The following EPHA6 variants were observed in gnomAD, a reference collection of about 807,000 sequenced individuals.
The protein encoded by EPHA6 is EPH receptor A6, also known as ephrin type-A receptor 6.
Under a neutral mutation model 112.0 loss-of-function variants are expected in EPHA6, and 50 were observed. The observed-to-expected ratio is 0.45, with a 90% CI of 0.36 to 0.56. The LOEUF is 0.56. EPHA6 is among the 20% of genes least tolerant of loss of function. EPHA6 has a pLI of 0.00. For missense variants in EPHA6, 1,280 were observed against 1,417.4 expected (o/e 0.90, Z 1.56); for synonymous variants, 529 against 490.7 (o/e 1.08, Z -1.03).
At chr3:97,411,641 G>T (rs192588738) in intron 6 of EPHA6, among the ~76,000 whole-genome samples, 12 of 152,136 alleles carry the variant, frequency 7.9e-5, no homozygotes, top group African/African-American at 2.4e-4. Flanking sequence ...TAGGGGAAAA[G>T]AAACATCTTT....
intron 14 of EPHA6, among the ~76,000 whole-genome samples, chr3:97,659,498 T>C (rs1407836008): frequency 2.0e-5 from 3 of 151,970 alleles, no homozygotes; most frequent in African/African-American, 7.2e-5. Context: ...CAGTGAGAGT[T>C]TCTACATATT....
intron 3 of EPHA6, among the ~76,000 whole-genome samples, chr3:97,070,124 A>G (rs2046307543): frequency 6.6e-6 from 1 of 151,952 alleles, no homozygotes; most frequent in Non-Finnish European, 1.5e-5. Flanking sequence ...CTATTTGACT[A>G]CTCAGTTGCT....
intron 2 of EPHA6, among the ~76,000 whole-genome samples, chr3:96,922,811 C>T (rs890625668): frequency 2.0e-5 from 3 of 152,118 alleles, no homozygotes; most frequent in Admixed American, 2.0e-4. Flanking sequence ...CCCACCAAGC[C>T]CTGTCCCACA....
At chr3:97,582,688 A>T (rs1206566685) in intron 11 of EPHA6, among the ~76,000 whole-genome samples, 1 of 152,176 alleles carries the variant, frequency 6.6e-6, no homozygotes, top group East Asian at 1.9e-4. Flanking sequence ...TTCCCTGATT[A>T]TCTACAAAAC....
In EPHA6 at chr3:97,060,895, G is replaced by A. The variant is rs186679991; in HGVS notation, c.1114+72902G>A. Among the ~76,000 whole-genome samples, 240 of 131,198 alleles carry A rather than the reference G, an allele frequency of 1.8e-3. 1 individual carries two copies. The highest frequency in any genetic ancestry group is 6.8e-3 in the African/African-American group (228 of 33,738). 86.1% of individuals were successfully genotyped at this position (131,198 alleles called of 152,430 possible). A position where few individuals can be genotyped will look rare whatever the true frequency, so the allele number is the denominator to read the frequency against. On this transcript the variant is annotated intron_variant, in intron 3 of 17. Transcript: ENST00000389672. ...GCCGAGATTGCGCCTCTGCATTCCAGCCTGGGCGACAGAGCCAGACTCCGT... is the reference window on the plus strand; with the variant it reads ...GCCGAGATTGCGCCTCTGCATTCCAACCTGGGCGACAGAGCCAGACTCCGT...
At chr3:96,938,594 C>T (rs1218107889) in intron 2 of EPHA6, among the ~76,000 whole-genome samples, 1 of 152,084 alleles carries the variant, frequency 6.6e-6, no homozygotes, top group Non-Finnish European at 1.5e-5. Flanking sequence ...ATTGAATACT[C>T]TTTATTTCCT....
chr3:97,051,122 A>G (rs2045672165), intron 3 of EPHA6, among the ~76,000 whole-genome samples: 4 of 152,146 alleles, frequency 2.6e-5, no homozygotes. Flanking sequence ...GAGAATGGCA[A>G]TACATAATGG....
chr3:97,203,439 AG>A (rs1157689496), intron 3 of EPHA6, among the ~76,000 whole-genome samples: 1 of 152,118 alleles, frequency 6.6e-6, no homozygotes, highest in Non-Finnish European at 1.5e-5. Flanking sequence ...ATTGTTTGTA[AG>A]GGTAGAGAAG....
Position 97,244,122 on chromosome 3 carries a change from C to T in EPHA6, c.1441C>T (p.Arg481Cys), listed in dbSNP as rs1158291218. 1.6e-5 allele frequency: 25 copies of T among 1,612,880 alleles called. No homozygotes were observed. The highest frequency in any genetic ancestry group is 1.9e-5 in the Non-Finnish European group (22 of 1,179,322). ...SQCEDCGGGL[R>C]FIPRHTGLIN... ...GTGTGAGGACTGTGGTGGAGGACTC[C>T]GCTTCATCCCAAGACATACAGGCCT... The change falls in exon 5 of 18, where the codon CGC (arginine) becomes TGC (cysteine). Residue 481 changes from arginine to cysteine, a missense_variant. This residue lies in a region of EPHA6 where 878 missense variants were observed against 999.7 expected (regional missense o/e 0.88). Coordinates refer to ENST00000389672, the MANE Select transcript of EPHA6 (RefSeq NM_001080448.3).
At chr3:97,463,698 G>A (rs1485606980) in intron 7 of EPHA6, among the ~76,000 whole-genome samples, 1 of 152,108 alleles carries the variant, frequency 6.6e-6, no homozygotes, top group African/African-American at 2.4e-5. Flanking sequence ...TAGAGCCAAG[G>A]TAAAGTTTCA....
intron 13 of EPHA6, among the ~76,000 whole-genome samples, chr3:97,634,189 T>A (rs2093926768): frequency 6.6e-6 from 1 of 152,070 alleles, no homozygotes; most frequent in Non-Finnish European, 1.5e-5. Context: ...ATCTACAAGA[T>A]GAAGATAATC....
chr3:97,595,570 G>A (rs1459795987), intron 12 of EPHA6, among the ~76,000 whole-genome samples: 1 of 151,978 alleles, frequency 6.6e-6, no homozygotes, highest in East Asian at 1.9e-4. Context: ...GCTTTATCCC[G>A]GTACGTGGAA....
At chr3:96,965,522 CTTG>C (rs989744371) in intron 2 of EPHA6, among the ~76,000 whole-genome samples, 1 of 152,016 alleles carries the variant, frequency 6.6e-6, no homozygotes, top group Non-Finnish European at 1.5e-5. Context: ...GAGAAGCTAT[CTTG>C]TTATTATCCA....
At chr3:97,474,526 G>A (rs1263204957) in intron 7 of EPHA6, among the ~76,000 whole-genome samples, 1 of 151,750 alleles carries the variant, frequency 6.6e-6, no homozygotes, top group Non-Finnish European at 1.5e-5. Context: ...ATTTTTCTGT[G>A]CTTCTGTTTT....
At chr3:97,339,767 G>C (rs2083217867) in intron 5 of EPHA6, among the ~76,000 whole-genome samples, 2 of 152,166 alleles carry the variant, frequency 1.3e-5, no homozygotes, top group African/African-American at 4.8e-5. Flanking sequence ...ATAGAAGTTT[G>C]CAGTAGCTCC....
chr3:97,292,924 G>T (rs1387808673), intron 5 of EPHA6, among the ~76,000 whole-genome samples: 2 of 151,260 alleles, frequency 1.3e-5, no homozygotes, highest in Non-Finnish European at 2.9e-5. Flanking sequence ...CCTGTGGTGG[G>T]TAGCACCTTT....
At chr3:97,488,988 A>G (rs1206815121) in intron 10 of EPHA6, among the ~76,000 whole-genome samples, 1 of 152,234 alleles carries the variant, frequency 6.6e-6, no homozygotes, top group African/African-American at 2.4e-5. Flanking sequence ...AGCAAGACAG[A>G]CTCAGATATG....
At chr3:97,258,322 C>T (rs1314565142) in intron 5 of EPHA6, among the ~76,000 whole-genome samples, 3 of 151,830 alleles carry the variant, frequency 2.0e-5, no homozygotes, top group Non-Finnish European at 4.4e-5. Flanking sequence ...ATCTGTTATA[C>T]TCACAGTGGA....
rs1047580046 is a variant in EPHA6, at chr3:97,669,619, T to A, written c.2784+31537T>A. Among the ~76,000 whole-genome samples the A allele has an allele frequency of 2.3e-4, 34 of 150,190 alleles. No individual in the cohort carries two copies. The South Asian group carries it at 6.9e-3, about 30-fold the overall frequency. ...TTAAAAAAAAAAAAAAAAGAAGAAGTAGACTTCTGAGGTTGATCTAGAAAT... is the reference window on the plus strand; with the variant it reads ...TTAAAAAAAAAAAAAAAAGAAGAAGAAGACTTCTGAGGTTGATCTAGAAAT... On this transcript the variant is annotated intron_variant, in intron 14 of 17. Transcript: ENST00000389672.
Sources: gnomAD v4.1 joint callset for allele counts (sites outside exome capture counted in the v4.1 genomes callset) on GRCh38, gnomAD v4.1.1 for gene constraint, gnomAD v4.1.1 regional missense constraint, MANE v1.5 for transcripts, NCBI Gene and HGNC (gene_info 2026-07-23, HGNC 2026-07-21) for gene names.